The following EFEMP2 variants were observed in gnomAD, a reference collection of about 807,000 sequenced individuals.
The protein encoded by EFEMP2 is EGF-like fibulin extracellular matrix protein 2.
EFEMP2 carries 21 observed loss-of-function variants against 55.3 expected under a neutral mutation model. That is an observed-to-expected ratio of 0.38 (90% CI 0.27 to 0.55). The LOEUF (loss-of-function observed/expected upper bound fraction) is 0.55. Among genes scored for constraint, EFEMP2 ranks in the 20% least tolerant of loss-of-function variants. The pLI is 0.77. For missense variants in EFEMP2, 513 were observed against 615.1 expected, an observed-to-expected ratio of 0.83 and a Z score of 1.76; for synonymous variants, 275 against 242.3, an observed-to-expected ratio of 1.14 and a Z score of -1.25.
chr11:65,869,659 C>T (rs1036765109), intron 7 of EFEMP2, 198 bp downstream of exon 7: 32 of 744,436 alleles, frequency 4.3e-5, no homozygotes, highest in African/African-American at 1.9e-4. Flanking sequence ...TCAGTAAGGA[C>T]GTAGCTGCCT....
Position 65,871,272 on chromosome 11 carries a change from G to C in EFEMP2, c.252C>G (p.Ser84=). 1 of 1,613,990 alleles carries C rather than the reference G, an allele frequency of 6.2e-7. No homozygotes were observed. Among genetic ancestry groups the C allele is most frequent in the East Asian group, 2.2e-5 (1 of 44,886 alleles). ...HYGGYLCLPR[S]AAVINDLHGE... is the part of the protein sequence containing the mutation. The stretch of plus-strand genomic sequence containing the variant: ...CGTGTAGGTCGTTGATGACGGCAGC[G>C]GAGCGGGGCAGGCACAAGTAGCCCC... Residue 84 remains serine (S), a synonymous_variant, in exon 4 of 11, where the codon TCC becomes TCG. Coordinates refer to ENST00000307998, the MANE Select transcript of EFEMP2 (RefSeq NM_016938.5).
intron 6 of EFEMP2, 72 bp downstream of exon 6, chr11:65,870,049 G>A (rs1859937342): frequency 6.2e-7 from 1 of 1,613,082 alleles, no homozygotes; most frequent in Non-Finnish European, 8.5e-7. Context: ...ACCTGGGCTG[G>A]TCAAGAAGGG....
chr11:65,870,375 C>A, intron 5 of EFEMP2, 138 bp from the exon 6 acceptor site: 1 of 1,414,662 alleles, frequency 7.1e-7, no homozygotes, highest in Non-Finnish European at 9.9e-7. Flanking sequence ...AGCCAGGACA[C>A]CTCCCAAACA....
Position 65,866,540 on chromosome 11 carries a change from G to C in EFEMP2, c.*378C>G, listed in dbSNP as rs1303780312. On this transcript the variant is annotated 3_prime_UTR_variant, in exon 11 of 11. Transcript: ENST00000307998. ...GAGGCAGAGTTAGGAATGGAACCCA[G>C]GGCCTCCTGGCGCTGTCCAGAGTGG... 1.4e-6 allele frequency: 1 copy of C among 702,834 alleles called. No individual in the cohort carries two copies. 43.5% of individuals were successfully genotyped at this position (702,834 alleles called of 1,614,324 possible).
At chr11:65,872,382 G>T in intron 1 of EFEMP2, 21 bp from the exon 2 acceptor site, 1 of 1,504,694 alleles carries the variant, frequency 6.6e-7, no homozygotes, top group Non-Finnish European at 9.0e-7. Flanking sequence ...GTGGACACGG[G>T]TCAGGGGCCT....
At position 65,872,745 on chromosome 11, in the gene EFEMP2, GC is replaced by G; in HGVS notation, c.-71del. 3.0e-6 allele frequency: 1 copy of G among 334,048 alleles called. No individual in the cohort carries two copies. 20.7% of individuals were successfully genotyped at this position (334,048 alleles called of 1,614,324 possible). ...GGCTCGGCTGGCTCGGGCAATGCCT[GC>G]GGGCAGACGGACGGGCGGACGGCAC... On this transcript the variant is annotated 5_prime_UTR_variant, in exon 1 of 11. Transcript: ENST00000307998.
At chr11:65,870,760 A>G (rs1591067439) in intron 4 of EFEMP2, 102 bp from the exon 5 acceptor site, 1 of 1,563,726 alleles carries the variant, frequency 6.4e-7, no homozygotes, top group East Asian at 2.2e-5. Context: ...AGCACGCGTA[A>G]GAGTTCACCA....
rs765815867 is a variant in EFEMP2, at chr11:65,868,448, CG to C, written c.848-28del. ...TGTGCCAGGGGAGAGGGGCTGGAAT[CG>C]GGGGCGTCAGGCTGCCAGCTCCTGA... On this transcript the variant is annotated intron_variant, in intron 8 of 10. Transcript: ENST00000307998. 2.5e-6 allele frequency: 4 copies of C among 1,613,700 alleles called. No homozygotes were observed. In the South Asian group the frequency reaches 4.4e-5, roughly 18 times the overall value.
chr11:65,867,452 C>G (rs1176753718), intron 10 of EFEMP2: 2 of 427,796 alleles, frequency 4.7e-6, no homozygotes, highest in East Asian at 4.9e-5. Context: ...ACTAGACAAA[C>G]CCCTTCTCCT....
chr11:65,872,110 G>T (rs1243299048), intron 2 of EFEMP2, 92 bp from the exon 3 acceptor site: 24 of 1,528,254 alleles, frequency 1.6e-5, no homozygotes, highest in Non-Finnish European at 2.0e-5. Context: ...CCACCCTCCG[G>T]CCTGCTCCAA....
At chr11:65,871,623 C>T in intron 3 of EFEMP2, 3 of 600,048 alleles carry the variant, frequency 5.0e-6, no homozygotes. Context: ...CTAGCCCTAG[C>T]TCAGCCCAAG....
At chr11:65,871,617 C>T in intron 3 of EFEMP2, 1 of 601,184 alleles carries the variant, frequency 1.7e-6, no homozygotes, top group Non-Finnish European at 3.0e-6. Flanking sequence ...ACGGCCCTAG[C>T]CCTAGCTCAG....
chr11:65,872,220 G>C (rs561202747), intron 2 of EFEMP2, 24 bp downstream of exon 2: 3 of 1,545,254 alleles, frequency 1.9e-6, no homozygotes, highest in East Asian at 2.4e-5. Flanking sequence ...CCTGTCCCAG[G>C]CCAGCGGCCC....
intron 7 of EFEMP2, 177 bp from the exon 8 acceptor site, chr11:65,868,806 G>A (rs895524342): frequency 1.4e-5 from 11 of 773,324 alleles, no homozygotes; most frequent in Middle Eastern, 3.7e-4. Context: ...GTTTGCCCAG[G>A]CTGCCGCAGC....
intron 4 of EFEMP2, 128 bp from the exon 5 acceptor site, chr11:65,870,786 G>A (rs531765553): frequency 1.4e-5 from 19 of 1,406,238 alleles, no homozygotes; most frequent in South Asian, 1.2e-4. Context: ...GAGCCATCAG[G>A]AAAGGCACCC....
chr11:65,868,157 CCT>C (rs1334863538), intron 9 of EFEMP2, 101 bp from the exon 10 acceptor site: 7 of 1,559,938 alleles, frequency 4.5e-6, no homozygotes, highest in Middle Eastern at 2.2e-4. Flanking sequence ...CCCTTCTACC[CCT>C]GTGACTGGTT....
At chr11:65,869,031 A>C in intron 7 of EFEMP2, 1 of 302,926 alleles carries the variant, frequency 3.3e-6, no homozygotes, top group South Asian at 3.0e-5. Context: ...CCCAGTGGTC[A>C]CCTCCAACTA....
intron 7 of EFEMP2, 37 bp downstream of exon 7, chr11:65,869,820 T>C (rs377106560): frequency 6.2e-6 from 10 of 1,612,170 alleles, no homozygotes; most frequent in South Asian, 1.1e-5. Flanking sequence ...GGCCTGGGGG[T>C]CCACAGAGGA....
At position 65,872,799 on chromosome 11, in the gene EFEMP2, G is replaced by A; in HGVS notation, c.-124C>T. 5.0e-6 allele frequency: 1 copy of A among 199,780 alleles called. No homozygotes were observed. The highest frequency in any genetic ancestry group is 1.0e-5 in the Non-Finnish European group (1 of 97,650). 12.4% of individuals were successfully genotyped at this position (199,780 alleles called of 1,614,324 possible). On this transcript the variant is annotated 5_prime_UTR_variant, in exon 1 of 11. Coordinates refer to ENST00000307998, the MANE Select transcript of EFEMP2 (RefSeq NM_016938.5). ...CTCCCTGGACGCGCGGCCCCAGGAA[G>A]CGCCCCCCGCCCGCCCGCCTGCCGC...
Sources: gnomAD v4.1 joint callset for allele counts on GRCh38, gnomAD v4.1.1 for gene constraint, MANE v1.5 for transcripts, NCBI Gene and HGNC (gene_info 2026-07-23, HGNC 2026-07-21) for gene names.